The following PCSK1 variants were observed in gnomAD, a reference collection of about 807,000 sequenced individuals.
PCSK1 encodes the protein proprotein convertase subtilisin/kexin type 1, also known as neuroendocrine convertase 1.
A neutral mutation model predicts 90.6 loss-of-function variants in PCSK1; 56 were observed. That is an observed-to-expected ratio of 0.62 (90% CI 0.50 to 0.77). The LOEUF (loss-of-function observed/expected upper bound fraction) is 0.77. Ranked by LOEUF, PCSK1 falls within the 30% of genes least tolerant of loss-of-function variation. The probability of loss-of-function intolerance (pLI) is 0.00; values close to 1 mark genes in which losing one functional copy is unlikely to be tolerated. For synonymous variants in PCSK1, 348 were observed against 342.4 expected (o/e 1.02, Z -0.18); for missense variants, 801 against 932.6 (o/e 0.86, Z 1.84).
At chr5:96,411,981 G>A (rs896202845) in intron 7 of PCSK1, among the ~76,000 whole-genome samples, 1 of 152,122 alleles carries the variant, frequency 6.6e-6, no homozygotes, top group African/African-American at 2.4e-5. Context: ...CAGTTTCACT[G>A]TCTAAACTAG....
Position 96,392,802 on chromosome 5 carries a change from C to CTA in PCSK1, c.*197_*198dup. The CTA allele has an allele frequency of 1.6e-6, 1 of 637,428 alleles. No homozygotes were observed. The highest frequency in any genetic ancestry group is 2.8e-6 in the Non-Finnish European group (1 of 359,638). The allele number at this position is 637,428 out of a possible 1,614,324, so 39.5% of individuals were successfully genotyped here. On this transcript the variant is annotated 3_prime_UTR_variant, in exon 14 of 14. Coordinates refer to ENST00000311106, the MANE Select transcript of PCSK1 (RefSeq NM_000439.5). Reference sequence around the variant, plus strand: ...ACAGGAAAGATGTGTTTTGAAATACCTATGATCAATTCTGGAAGTTGAACT... The same window carrying CTA: ...ACAGGAAAGATGTGTTTTGAAATACCTATATGATCAATTCTGGAAGTTGAACT...
intron 6 of PCSK1, among the ~76,000 whole-genome samples, chr5:96,415,130 T>G (rs1760899202): frequency 6.6e-6 from 1 of 152,138 alleles, no homozygotes; most frequent in African/African-American, 2.4e-5. Flanking sequence ...GGAGAGACAG[T>G]TTTTTCTTTT....
intron 6 of PCSK1, 57 bp downstream of exon 6, chr5:96,415,976 G>A (rs913522524): frequency 1.1e-4 from 112 of 1,056,802 alleles, no homozygotes; most frequent in Non-Finnish European, 1.5e-4. Flanking sequence ...CATTTACAAT[G>A]GGTGATGTAA....
chr5:96,397,632 G>A (rs1760205130), intron 11 of PCSK1, among the ~76,000 whole-genome samples, 163 bp from the exon 12 acceptor site: 1 of 152,038 alleles, frequency 6.6e-6, no homozygotes, highest in African/African-American at 2.4e-5. Flanking sequence ...AAAATATGAT[G>A]TTTTTATCTA....
intron 1 of PCSK1, among the ~76,000 whole-genome samples, chr5:96,431,125 A>G (rs1177686000): frequency 1.3e-5 from 2 of 152,192 alleles, no homozygotes; most frequent in East Asian, 3.8e-4. Flanking sequence ...TAGGTCATAC[A>G]TGATTTGTAT....
chr5:96,411,239 T>C (rs556824356), intron 7 of PCSK1, among the ~76,000 whole-genome samples: 4 of 152,390 alleles, frequency 2.6e-5, no homozygotes, highest in African/African-American at 9.6e-5. Context: ...TTCTTTCTTA[T>C]GCAGATTCAT....
intron 13 of PCSK1, among the ~76,000 whole-genome samples, chr5:96,394,468 C>T (rs925164281): frequency 9.2e-5 from 14 of 152,120 alleles, no homozygotes; most frequent in African/African-American, 1.9e-4. Context: ...AATGGATACA[C>T]GAATGTCTAT....
Position 96,432,917 on chromosome 5 carries a change from G to A in PCSK1, c.126C>T (p.Gly42=), listed in dbSNP as rs1178235853. 6.2e-7 allele frequency: 1 copy of A among 1,613,960 alleles called. No individual in the cohort carries two copies. Among genetic ancestry groups the A allele is most frequent in the African/African-American group, 1.3e-5 (1 of 74,924 alleles). Residue 42 remains glycine (G), a synonymous_variant, in exon 1 of 14, where the codon GGC becomes GGT. Transcript: ENST00000311106. ...VNEWAAEIPG[G]PEAASAIAEE... is the part of the protein sequence containing the mutation. ...CGGCGATGGCCGAGGCTGCTTCCGG[G>A]CCCCCGGGGATCTCCGCTGCCCATT...
intron 11 of PCSK1, among the ~76,000 whole-genome samples, chr5:96,397,726 A>T (rs541818672): frequency 2.0e-5 from 3 of 152,208 alleles, no homozygotes; most frequent in African/African-American, 7.2e-5. Flanking sequence ...ATAATGAATG[A>T]ATGAATGAAA....
chr5:96,399,695 G>C (rs1315409077), intron 10 of PCSK1, among the ~76,000 whole-genome samples: 1 of 152,120 alleles, frequency 6.6e-6, no homozygotes, highest in Non-Finnish European at 1.5e-5. Context: ...CAGTTTAATT[G>C]ACAATAAAAC....
chr5:96,399,542 C>T (rs1760279828), intron 10 of PCSK1, among the ~76,000 whole-genome samples: 1 of 152,130 alleles, frequency 6.6e-6, no homozygotes, highest in African/African-American at 2.4e-5. Context: ...AGCACTGTGG[C>T]ATGAAGCAAG....
At chr5:96,429,522 G>A (rs1401297867) in intron 1 of PCSK1, among the ~76,000 whole-genome samples, 1 of 151,916 alleles carries the variant, frequency 6.6e-6, no homozygotes, top group African/African-American at 2.4e-5. Flanking sequence ...TGTGTCACGG[G>A]GTATTTTTGT....
Position 96,433,148 on chromosome 5 carries a change from A to G in PCSK1, c.-106T>C. 9.5e-7 allele frequency: 1 copy of G among 1,054,602 alleles called. No homozygotes were observed. Among genetic ancestry groups the G allele is most frequent in the South Asian group, 1.3e-5 (1 of 78,602 alleles). 65.3% of individuals were successfully genotyped at this position (1,054,602 alleles called of 1,614,324 possible). ...CCTTCCCACCCTCGGGCTCTAGACCACTCCTGGCTCCTGGTTGCTCTGCGA... is the reference window on the plus strand; with the variant it reads ...CCTTCCCACCCTCGGGCTCTAGACCGCTCCTGGCTCCTGGTTGCTCTGCGA... On this transcript the variant is annotated 5_prime_UTR_variant, in exon 1 of 14. Coordinates refer to ENST00000311106, the MANE Select transcript of PCSK1 (RefSeq NM_000439.5).
chr5:96,415,469 G>A lies in PCSK1; in HGVS notation c.709+564C>T, dbSNP rs187102123. Among the ~76,000 whole-genome samples the A allele has an allele frequency of 1.5e-4, 23 of 152,236 alleles. 1 individual carries two copies. Among genetic ancestry groups the A allele is most frequent in the Middle Eastern group, 6.8e-3 (2 of 294 alleles). On this transcript the variant is annotated intron_variant, in intron 6 of 13. Transcript: ENST00000311106. ...CCCTTGTTGGTTTTCTCTAATTCTT[G>A]TAAATCGTTTCTTTATTAAAATGTC...
chr5:96,405,860 T>G (rs1466858758), intron 9 of PCSK1, among the ~76,000 whole-genome samples: 1 of 152,200 alleles, frequency 6.6e-6, no homozygotes, highest in African/African-American at 2.4e-5. Context: ...AAGGATGGGC[T>G]AGGCACGGCT....
At chr5:96,422,724 C>G (rs1442907135) in intron 4 of PCSK1, among the ~76,000 whole-genome samples, 1 of 152,116 alleles carries the variant, frequency 6.6e-6, no homozygotes, top group African/African-American at 2.4e-5. Flanking sequence ...GAAACACCAG[C>G]CTCCTGATCT....
intron 1 of PCSK1, among the ~76,000 whole-genome samples, chr5:96,431,176 C>T (rs1761481153): frequency 1.3e-5 from 2 of 152,152 alleles, no homozygotes; most frequent in African/African-American, 4.8e-5. Flanking sequence ...CTCTGCTACT[C>T]ATACCCTCTT....
At position 96,421,969 on chromosome 5, in the gene PCSK1, C is replaced by T. The variant is rs750625182; in HGVS notation, c.544-13G>A. ...TAGCCTCTGGATCCTAAAGAGACAA[C>T]AAAATATAACACTGTGGCAGCATTA... On this transcript the variant is annotated splice_polypyrimidine_tract_variant and intron_variant, in intron 4 of 13. Coordinates refer to ENST00000311106, the MANE Select transcript of PCSK1 (RefSeq NM_000439.5). 1.0e-5 allele frequency: 4 copies of T among 381,620 alleles called. No homozygotes were observed. The highest frequency in any genetic ancestry group is 1.8e-5 in the Non-Finnish European group (4 of 217,752). The allele number at this position is 381,620 out of a possible 1,614,324, so 23.6% of individuals were successfully genotyped here.
intron 9 of PCSK1, among the ~76,000 whole-genome samples, chr5:96,406,202 C>T (rs1264039163): frequency 6.6e-6 from 1 of 152,106 alleles, no homozygotes; most frequent in Non-Finnish European, 1.5e-5. Flanking sequence ...AAAGACTGAA[C>T]CCCACAAGTA....
Sources: allele counts gnomAD v4.1 joint callset (sites outside exome capture counted in the v4.1 genomes callset), GRCh38; gene constraint gnomAD v4.1.1; transcripts MANE v1.5; gene names NCBI Gene and HGNC (gene_info 2026-07-23, HGNC 2026-07-21).